Variants in BPIFA3 observed in about 807,000 individuals in gnomAD.
BPIFA3 encodes BPI fold-containing family A member 3.
BPIFA3 carries 32 observed loss-of-function variants against 29.7 expected under a neutral mutation model. The ratio of observed to expected loss-of-function variants is 1.08; its 90% CI spans 0.81 to 1.45. BPIFA3 has a LOEUF of 1.45. Among genes scored for constraint, BPIFA3 ranks in the 40% most tolerant of loss-of-function variants. The pLI, the probability that BPIFA3 is intolerant of heterozygous loss-of-function variation, is 0.00. For synonymous variants in BPIFA3, 112 were observed against 113.7 expected (o/e 0.98, Z 0.10); for missense variants, 323 against 311.3 (o/e 1.04, Z -0.28).
Position 33,217,615 on chromosome 20 carries a change from C to T in BPIFA3, c.79C>T (p.Pro27Ser). The stretch of plus-strand genomic sequence containing the variant: ...CTTGGCACCACACAAGCAGCCTTGG[C>T]CTGGCCTGGCCCAAGCCCACAGAGA... Reference protein sequence around the residue: ...LPLAPHKQPWPGLAQAHRDNK... With the variant: ...LPLAPHKQPWSGLAQAHRDNK... The change falls in exon 1 of 7, where the codon CCT becomes TCT. Residue 27 changes from proline (P) to serine (S), a missense_variant. Physicochemically the swap from Pro to Ser is moderately conservative, Grantham distance 74. Transcript: ENST00000375454. The T allele has an allele frequency of 6.2e-7, 1 of 1,614,128 alleles. No individual in the cohort carries two copies. The highest frequency in any genetic ancestry group is 8.5e-7 in the Non-Finnish European group (1 of 1,180,004).
At chr20:33,220,954 T>C (rs1985483245) in intron 1 of BPIFA3, among the ~76,000 whole-genome samples, 1 of 152,306 alleles carries the variant, frequency 6.6e-6, no homozygotes, top group East Asian at 1.9e-4. Flanking sequence ...ATTAAGCCTG[T>C]TCCTTATGCC....
chr20:33,223,683 G>A, intron 1 of BPIFA3, 128 bp from the exon 2 acceptor site: 1 of 892,536 alleles, frequency 1.1e-6, no homozygotes, highest in Non-Finnish European at 1.7e-6. Flanking sequence ...TCCATGGGGA[G>A]GTGGTGACAT....
In BPIFA3 at chr20:33,226,443, C is replaced by T. The variant is rs1415330393; in HGVS notation, c.574C>T (p.Leu192Phe). ...PPKMNQFLYN[L>F]KENLQKVLPH... ...AAAGATGAATCAGTTTCTCTACAAC[C>T]TCAAAGAGAATCTGCAAAAAGTTCT... Residue 192 changes from leucine (L) to phenylalanine (F), a missense_variant, in exon 5 of 7, where the codon CTC becomes TTC. Physicochemically the swap from Leu to Phe is conservative, Grantham distance 22. Transcript: ENST00000375454. 6.2e-7 allele frequency: 1 copy of T among 1,611,410 alleles called. No homozygotes were observed. Among genetic ancestry groups the T allele is most frequent in the Admixed American group, 1.7e-5 (1 of 59,302 alleles).
At chr20:33,227,104 G>A in intron 6 of BPIFA3, 111 bp downstream of exon 6, 3 of 893,664 alleles carry the variant, frequency 3.4e-6, no homozygotes, top group South Asian at 2.7e-5. Flanking sequence ...GTCTGCATGT[G>A]CCGTGAGAAC....
In BPIFA3 at chr20:33,217,587, G is replaced by C. The variant is rs778425801; in HGVS notation, c.51G>C (p.Leu17Phe). ...TCATCTTCCTCGGGTTGCTGGCCTT[G>C]CCCTTGGCACCACACAAGCAGCCTT... Reference protein sequence around the residue: ...RLLIFLGLLALPLAPHKQPWP... With the variant: ...RLLIFLGLLAFPLAPHKQPWP... The change falls in exon 1 of 7, where the codon TTG (leucine) becomes TTC (phenylalanine). Residue 17 changes from leucine to phenylalanine, a missense_variant. Transcript: ENST00000375454. 19 of 1,614,122 alleles carry C rather than the reference G, an allele frequency of 1.2e-5. No homozygotes were observed. Among genetic ancestry groups the C allele is most frequent in the Middle Eastern group, 3.3e-4 (2 of 6,062 alleles).
At chr20:33,227,444 C>T (rs1978352668) in intron 6 of BPIFA3, 94 bp from the exon 7 acceptor site, 1 of 1,059,778 alleles carries the variant, frequency 9.4e-7, no homozygotes, top group Non-Finnish European at 1.5e-6. Flanking sequence ...CCGGCACCTG[C>T]CTTTGGTCAC....
At chr20:33,224,324 C>G in intron 2 of BPIFA3, 31 bp from the exon 3 acceptor site, 1 of 1,583,722 alleles carries the variant, frequency 6.3e-7, no homozygotes, top group Non-Finnish European at 8.7e-7. Flanking sequence ...GTCCCTCACC[C>G]TTGTGGGGCC....
At chr20:33,217,751 T>C in intron 1 of BPIFA3, 88 bp downstream of exon 1, 1 of 1,465,392 alleles carries the variant, frequency 6.8e-7, no homozygotes, top group Non-Finnish European at 9.1e-7. Context: ...ACCCGCTGGG[T>C]GACTTCAGGT....
intron 1 of BPIFA3, among the ~76,000 whole-genome samples, chr20:33,221,800 A>G (rs1362547403): frequency 1.3e-5 from 2 of 152,210 alleles, no homozygotes; most frequent in Non-Finnish European, 1.5e-5. Flanking sequence ...GCATAAATGT[A>G]TCCTTTTCAT....
chr20:33,225,476 T>C (rs1026173462), intron 4 of BPIFA3: 12 of 562,404 alleles, frequency 2.1e-5, no homozygotes, highest in Non-Finnish European at 3.7e-5. Context: ...TTCCCATCAA[T>C]GACTTGCTAG....
At chr20:33,220,263 TG>T (rs1985450442) in intron 1 of BPIFA3, among the ~76,000 whole-genome samples, 1 of 151,538 alleles carries the variant, frequency 6.6e-6, no homozygotes, top group Non-Finnish European at 1.5e-5. Flanking sequence ...CCGGGCGTGG[TG>T]GTGAGGGCCT....
chr20:33,227,070 C>T, intron 6 of BPIFA3, 77 bp downstream of exon 6: 2 of 1,361,768 alleles, frequency 1.5e-6, no homozygotes, highest in South Asian at 2.3e-5. Context: ...GCCCTGGAGC[C>T]CCCAGGGAGG....
intron 6 of BPIFA3, 36 bp downstream of exon 6, chr20:33,227,029 G>A (rs1985815197): frequency 6.3e-7 from 1 of 1,592,822 alleles, no homozygotes; most frequent in Admixed American, 1.7e-5. Context: ...GACTTCTTAG[G>A]ACTGGCAAGT....
chr20:33,226,630 C>A, intron 5 of BPIFA3, 140 bp downstream of exon 5: 1 of 738,302 alleles, frequency 1.4e-6, no homozygotes, highest in Non-Finnish European at 2.2e-6. Context: ...TCAGTTTGGC[C>A]ATGAGTTTTG....
rs539624162 is a variant in BPIFA3, at chr20:33,222,437, G to C, written c.128-1374G>C. 3.5e-4 allele frequency among the ~76,000 whole-genome samples: 54 copies of C among 152,356 alleles called. 1 individual carries two copies. The South Asian group carries it at 4.8e-3, about 13-fold the overall frequency. ...CAGTGAGGGTGAGGCACACCTGATG[G>C]TTCAGATAATCAACAGCCTCATCTA... On this transcript the variant is annotated intron_variant, in intron 1 of 6. Transcript: ENST00000375454.
chr20:33,219,492 T>G (rs1985412511), intron 1 of BPIFA3, among the ~76,000 whole-genome samples: 1 of 152,222 alleles, frequency 6.6e-6, no homozygotes, highest in Admixed American at 6.5e-5. Context: ...TCTACTTTGT[T>G]TTTTTCTAAT....
intron 3 of BPIFA3, 46 bp from the exon 4 acceptor site, chr20:33,225,052 C>G (rs1380286379): frequency 6.3e-7 from 1 of 1,575,116 alleles, no homozygotes; most frequent in East Asian, 2.2e-5. Flanking sequence ...TACTCTTTCT[C>G]TACCTCCTCC....
chr20:33,224,102 C>T (rs1159599397), intron 2 of BPIFA3, 141 bp downstream of exon 2: 1 of 1,169,996 alleles, frequency 8.5e-7, no homozygotes, highest in Non-Finnish European at 1.2e-6. Flanking sequence ...AGGTGGAAGG[C>T]CCACACAAGG....
chr20:33,221,436 C>T (rs184615945), intron 1 of BPIFA3, among the ~76,000 whole-genome samples: 7 of 152,286 alleles, frequency 4.6e-5, no homozygotes, highest in Admixed American at 6.5e-5. Context: ...GGATTACAGG[C>T]GTGAGCCACT....
Sources: gnomAD v4.1 joint callset for allele counts (sites outside exome capture counted in the v4.1 genomes callset) on GRCh38, gnomAD v4.1.1 for gene constraint, MANE v1.5 for transcripts, NCBI Gene and HGNC (gene_info 2026-07-23, HGNC 2026-07-21) for gene names.